ITPK1: variants seen among roughly 807,000 people sequenced by gnomAD.
ITPK1 encodes inositol-tetrakisphosphate 1-kinase, also known as inositol 1,3,4-trisphosphate 5/6-kinase.
Under a neutral mutation model 45.3 loss-of-function variants are expected in ITPK1, and 21 were observed. The observed-to-expected ratio is 0.46, with a 90% CI of 0.33 to 0.67. The LOEUF is 0.67. ITPK1 is among the 30% of genes least tolerant of loss of function. The probability of loss-of-function intolerance (pLI) is 0.02; values close to 1 mark genes in which losing one functional copy is unlikely to be tolerated. For missense variants in ITPK1, 474 were observed against 573.5 expected, an observed-to-expected ratio of 0.83 and a Z score of 1.77; for synonymous variants, 258 against 253.6, an observed-to-expected ratio of 1.02 and a Z score of -0.16.
chr14:92,971,658 G>A (rs1323756418), intron 5 of ITPK1, among the ~76,000 whole-genome samples: 1 of 152,232 alleles, frequency 6.6e-6, no homozygotes, highest in Non-Finnish European at 1.5e-5. Context: ...GGACACTGCA[G>A]GGAGGAAGCT....
At chr14:93,042,503 C>T (rs1339858161) in intron 3 of ITPK1, among the ~76,000 whole-genome samples, 1 of 152,126 alleles carries the variant, frequency 6.6e-6, no homozygotes, top group African/African-American at 2.4e-5. Flanking sequence ...GGGTGCTGAT[C>T]GGATACCCCT....
chr14:93,054,168 A>G (rs1890134428), intron 3 of ITPK1, among the ~76,000 whole-genome samples: 1 of 152,234 alleles, frequency 6.6e-6, no homozygotes, highest in Admixed American at 6.5e-5. Context: ...CCCCACTTCT[A>G]GCAAGTGAAC....
At chr14:92,945,401 G>A (rs1008800272) in intron 10 of ITPK1, among the ~76,000 whole-genome samples, 18 of 152,324 alleles carry the variant, frequency 1.2e-4, no homozygotes, top group South Asian at 2.1e-4. Flanking sequence ...AAACAACCCC[G>A]AGTCCCCACC....
At chr14:93,095,653 T>C (rs771004227) in intron 2 of ITPK1, among the ~76,000 whole-genome samples, 1 of 151,692 alleles carries the variant, frequency 6.6e-6, no homozygotes, top group Non-Finnish European at 1.5e-5. Flanking sequence ...ACAAGTATAA[T>C]GTGTGACACT....
intron 10 of ITPK1, among the ~76,000 whole-genome samples, chr14:92,943,658 C>T (rs908221958): frequency 3.3e-5 from 5 of 152,210 alleles, no homozygotes; most frequent in Non-Finnish European, 5.9e-5. Context: ...GCAGGGAGGC[C>T]GCTTTCTGTG....
chr14:93,075,162 A>G (rs1203283364), intron 3 of ITPK1, among the ~76,000 whole-genome samples: 5 of 151,926 alleles, frequency 3.3e-5, no homozygotes, highest in African/African-American at 9.7e-5. Context: ...CCCCATCTCT[A>G]CTAAAAACAC....
chr14:93,009,885 C>T (rs1248809034), intron 4 of ITPK1, among the ~76,000 whole-genome samples: 1 of 152,198 alleles, frequency 6.6e-6, no homozygotes, highest in South Asian at 2.1e-4. Context: ...GTCACCAAAG[C>T]CCCTCCGAGC....
chr14:92,994,804 G>C (rs1886967356), intron 4 of ITPK1, among the ~76,000 whole-genome samples: 1 of 152,178 alleles, frequency 6.6e-6, no homozygotes, highest in Non-Finnish European at 1.5e-5. Flanking sequence ...AGCTGCTGCG[G>C]GTTGAATTGT....
intron 7 of ITPK1, 51 bp downstream of exon 7, chr14:92,962,304 G>A (rs1885116073): frequency 7.3e-7 from 1 of 1,360,918 alleles, no homozygotes; most frequent in Non-Finnish European, 1.1e-6. Flanking sequence ...GAGACACGAT[G>A]AGCTGAAAGG....
chr14:92,955,940 AACAT>A (rs1884698970), intron 8 of ITPK1, among the ~76,000 whole-genome samples: 1 of 152,218 alleles, frequency 6.6e-6, no homozygotes. Flanking sequence ...CCAGAAAGAG[AACAT>A]ACACGTAGAA....
At chr14:93,098,373 C>T (rs1018095927) in intron 2 of ITPK1, among the ~76,000 whole-genome samples, 40 of 151,786 alleles carry the variant, frequency 2.6e-4, no homozygotes, top group African/African-American at 9.4e-4. Flanking sequence ...AGGAGAATGG[C>T]GTGAACCCGG....
intron 2 of ITPK1, among the ~76,000 whole-genome samples, chr14:93,104,923 G>A (rs905471450): frequency 1.8e-4 from 27 of 152,154 alleles, no homozygotes; most frequent in African/African-American, 6.0e-4. Flanking sequence ...GGTTTGCAGC[G>A]TAAACTGCTG....
chr14:93,092,441 T>C (rs1043697532), intron 2 of ITPK1, among the ~76,000 whole-genome samples: 2 of 152,154 alleles, frequency 1.3e-5, no homozygotes, highest in Admixed American at 6.5e-5. Context: ...GGCCTTGACA[T>C]GGGTGAGGGA....
intron 2 of ITPK1, among the ~76,000 whole-genome samples, chr14:93,095,213 C>A (rs1892027630): frequency 6.6e-6 from 1 of 152,200 alleles, no homozygotes; most frequent in African/African-American, 2.4e-5. Flanking sequence ...CACAGTAATA[C>A]CATCTACCGC....
chr14:93,016,489 C>T lies in ITPK1; in HGVS notation c.246+187G>A, dbSNP rs1435247995. The stretch of plus-strand genomic sequence containing the variant: ...GCCCTGGTTCAGTCCCCACGCTACA[C>T]CCGAGGACACTGACGCCGCACAGAA... On this transcript the variant is annotated intron_variant, in intron 4 of 10. Transcript: ENST00000267615. The surrounding 1 kb of genome is among the most constrained non-coding windows in gnomAD (Gnocchi z 5.0). 6.6e-6 allele frequency among the ~76,000 whole-genome samples: 1 copy of T among 152,206 alleles called. No individual in the cohort carries two copies. The highest frequency in any genetic ancestry group is 1.9e-4 in the East Asian group (1 of 5,202).
intron 10 of ITPK1, among the ~76,000 whole-genome samples, chr14:92,945,795 G>T (rs1363159781): frequency 6.6e-6 from 1 of 152,156 alleles, no homozygotes; most frequent in Non-Finnish European, 1.5e-5. Flanking sequence ...GGGTTCCTAG[G>T]GCCCAGCTGG....
chr14:93,085,677 A>AGT (rs1268448286), intron 2 of ITPK1, among the ~76,000 whole-genome samples: 1 of 152,210 alleles, frequency 6.6e-6, no homozygotes, highest in African/African-American at 2.4e-5. Context: ...CACGCAAGGC[A>AGT]GTGTTCTGCC....
At chr14:92,943,359 G>A (rs1887527056) in intron 10 of ITPK1, among the ~76,000 whole-genome samples, 2 of 152,198 alleles carry the variant, frequency 1.3e-5, no homozygotes. Flanking sequence ...GGACCCTGAG[G>A]CTCAAGGTGG....
In ITPK1 at chr14:92,973,545, C is replaced by T. The variant is rs567783244; in HGVS notation, c.365-10696G>A. On this transcript the variant is annotated intron_variant, in intron 5 of 10. Transcript: ENST00000267615. ...CTGGACTCATCCAAAGTCACCTTCC[C>T]TCTGTGGTTATGCAGTTAAGGGGCG... Among the ~76,000 whole-genome samples, 6 of 152,382 alleles carry T rather than the reference C, an allele frequency of 3.9e-5. No homozygotes were observed. In the South Asian group the frequency reaches 6.2e-4, roughly 16 times the overall value.
Sources: gnomAD v4.1 joint callset for allele counts (sites outside exome capture counted in the v4.1 genomes callset) on GRCh38, gnomAD v4.1.1 for gene constraint, Gnocchi (gnomAD v3.1) non-coding constraint, MANE v1.5 for transcripts, NCBI Gene and HGNC (gene_info 2026-07-23, HGNC 2026-07-21) for gene names.